NDNF: variants seen among roughly 807,000 people sequenced by gnomAD.
The protein encoded by NDNF is neuron derived neurotrophic factor, also known as protein NDNF.
In NDNF, 16 loss-of-function variants were observed where a neutral mutation model predicts 42.0. The observed-to-expected ratio is 0.38, with a 90% CI of 0.26 to 0.58. The LOEUF is 0.58. Ranked by LOEUF, NDNF falls within the 20% of genes least tolerant of loss-of-function variation. The pLI, the probability that NDNF is intolerant of heterozygous loss-of-function variation, is 0.67. For missense variants in NDNF, 616 were observed against 666.2 expected, an observed-to-expected ratio of 0.92 and a Z score of 0.83; for synonymous variants, 248 against 251.7, an observed-to-expected ratio of 0.99 and a Z score of 0.14.
chr4:121,069,095 A>T (rs1222366296), intron 1 of NDNF, among the ~76,000 whole-genome samples: 1 of 152,174 alleles, frequency 6.6e-6, no homozygotes, highest in Non-Finnish European at 1.5e-5. Flanking sequence ...TCCCTTCCAC[A>T]ACAGAGTCTG....
At chr4:121,066,673 G>A (rs924976194) in intron 1 of NDNF, among the ~76,000 whole-genome samples, 1 of 152,106 alleles carries the variant, frequency 6.6e-6, no homozygotes, top group Admixed American at 6.5e-5. Context: ...TATTTTAGAG[G>A]TCTAATTATG....
chr4:121,036,298 T>G lies in NDNF; in HGVS notation c.1673A>C (p.Gln558Pro). The change falls in exon 4 of 4, where the codon CAG becomes CCG. Residue 558 changes from glutamine (Q) to proline (P), a missense_variant. Gln to Pro is a moderately conservative substitution (Grantham distance 76). Transcript: ENST00000379692. ...IGHGGHSVKYQSKVVKTRKFC is the reference protein window; with the variant it reads ...IGHGGHSVKYPSKVVKTRKFC ...CTTTCTAGTTTTCACAACCTTACTC[T>G]GATACTTTACAGAGTGCCCCCCATG... is the stretch of plus-strand genomic sequence containing the variant. 6.2e-7 allele frequency: 1 copy of G among 1,612,278 alleles called. No individual in the cohort carries two copies.
In NDNF at chr4:121,036,928, C is replaced by T; in HGVS notation, c.1043G>A (p.Gly348Glu). ...AKQKTVELKDGKITDVFVKRK... is the reference protein window; with the variant it reads ...AKQKTVELKDEKITDVFVKRK... ...TTTAACAAATACATCTGTTATCTTC[C>T]CATCTTTTAGCTCGACTGTCTTCTG... Residue 348 changes from glycine to glutamate, a missense_variant, in exon 4 of 4, where the codon GGG becomes GAG. Coordinates refer to ENST00000379692, the MANE Select transcript of NDNF (RefSeq NM_024574.4). 1.2e-6 allele frequency: 2 copies of T among 1,613,870 alleles called. No individual in the cohort carries two copies. Among genetic ancestry groups the T allele is most frequent in the Non-Finnish European group, 1.7e-6 (2 of 1,179,992 alleles).
At chr4:121,039,184 GTGTGTGTGTATATATATATATA>G (rs1298457968) in intron 3 of NDNF, among the ~76,000 whole-genome samples, 2 of 15,830 alleles carry the variant, frequency 1.3e-4, no homozygotes, top group African/African-American at 1.9e-4. Context: ...GACTATGTGT[GTGTGTGTGTATATATATATATA>G]TATATATATA....
intron 2 of NDNF, among the ~76,000 whole-genome samples, chr4:121,043,780 A>G (rs1473671761): frequency 6.6e-6 from 1 of 152,218 alleles, no homozygotes; most frequent in African/African-American, 2.4e-5. Context: ...TTGGGAAATG[A>G]AAGTAATTTC....
chr4:121,052,841 T>G (rs1727223217), intron 1 of NDNF, among the ~76,000 whole-genome samples: 1 of 152,224 alleles, frequency 6.6e-6, no homozygotes. Context: ...TAGTTGTTCT[T>G]AAAAATCCAA....
chr4:121,036,573 G>A lies in NDNF; in HGVS notation c.1398C>T (p.Thr466=), dbSNP rs372074352. The A allele has an allele frequency of 5.9e-5, 95 of 1,613,932 alleles. No homozygotes were observed. Among genetic ancestry groups the A allele is most frequent in the Non-Finnish European group, 7.5e-5 (88 of 1,179,992 alleles). ...FDKLRTCSSA[T]VAWLGTQERN... ...TTTCCTGAGTGCCTAGCCAAGCCAC[G>A]GTGGCTGAGGAACAGGTACGGAGCT... The change falls in exon 4 of 4, where the codon ACC becomes ACT. Residue 466 remains threonine, a synonymous_variant. Transcript: ENST00000379692.
intron 1 of NDNF, chr4:121,071,455 C>T (rs1171996556): frequency 2.0e-5 from 3 of 151,988 alleles, no homozygotes; most frequent in African/African-American, 4.8e-5. Context: ...CTGCCTGGAC[C>T]TCTAGCTTTT....
intron 1 of NDNF, among the ~76,000 whole-genome samples, chr4:121,046,082 C>G (rs539555526): frequency 5.2e-4 from 79 of 152,300 alleles, no homozygotes; most frequent in African/African-American, 1.9e-3. Flanking sequence ...AATGAAAAGA[C>G]TCTTGCTGCA....
chr4:121,039,161 A>ATATATATG (rs1726937543), intron 3 of NDNF, among the ~76,000 whole-genome samples: 6 of 69,374 alleles, frequency 8.6e-5, no homozygotes, highest in Non-Finnish European at 2.2e-4. Flanking sequence ...ATATATGTAT[A>ATATATATG]TATATATATA....
At chr4:121,071,252 G>A (rs371368647) in intron 1 of NDNF, among the ~76,000 whole-genome samples, 26 of 152,244 alleles carry the variant, frequency 1.7e-4, no homozygotes, top group African/African-American at 6.3e-4. Flanking sequence ...GCGTCACCTC[G>A]GTGGCCGCTC....
chr4:121,071,777 A>AAAC (rs1553925739), intron 1 of NDNF: 3 of 151,658 alleles, frequency 2.0e-5, no homozygotes, highest in African/African-American at 7.3e-5. Context: ...AATAAAAAAA[A>AAAC]AAAAACGAGG....
At chr4:121,044,597 G>A (rs186110892) in intron 2 of NDNF, among the ~76,000 whole-genome samples, 10 of 152,000 alleles carry the variant, frequency 6.6e-5, no homozygotes, top group African/African-American at 1.9e-4. Flanking sequence ...TAAATAAACC[G>A]TGTCAGTTTT....
chr4:121,042,904 G>C (rs568181436), intron 2 of NDNF, among the ~76,000 whole-genome samples: 1 of 152,216 alleles, frequency 6.6e-6, no homozygotes, highest in South Asian at 2.1e-4. Context: ...GTAGGTCATA[G>C]GTGACCAGTT....
intron 2 of NDNF, among the ~76,000 whole-genome samples, chr4:121,040,610 A>T (rs549196121): frequency 1.3e-5 from 2 of 152,298 alleles, no homozygotes; most frequent in South Asian, 4.1e-4. Flanking sequence ...TTTTTACATT[A>T]GTGACTTTTA....
chr4:121,040,157 T>C (rs1253088921), intron 2 of NDNF, 103 bp from the exon 3 acceptor site: 1 of 1,142,098 alleles, frequency 8.8e-7, no homozygotes, highest in East Asian at 2.9e-5. Context: ...TTTCATTTTA[T>C]AAATTTTATA....
intron 1 of NDNF, among the ~76,000 whole-genome samples, chr4:121,060,739 G>A (rs1727390888): frequency 1.3e-5 from 2 of 152,010 alleles, no homozygotes; most frequent in African/African-American, 4.8e-5. Flanking sequence ...TTCATTCTGT[G>A]GGCCTAATCC....
intron 2 of NDNF, among the ~76,000 whole-genome samples, chr4:121,043,598 GCTTTA>G (rs1453174743): frequency 6.6e-6 from 1 of 152,076 alleles, no homozygotes; most frequent in African/African-American, 2.4e-5. Context: ...AAAACATGGC[GCTTTA>G]CTTTAAAAGT....
At position 121,071,988 on chromosome 4, in the gene NDNF, C is replaced by T. The variant is rs554244628; in HGVS notation, c.-2+5G>A. 1.3e-5 allele frequency: 2 copies of T among 152,388 alleles called. No homozygotes were observed. Among genetic ancestry groups the T allele is most frequent in the Admixed American group, 1.3e-4 (2 of 15,288 alleles). 9.4% of individuals were successfully genotyped at this position (152,388 alleles called of 1,614,324 possible). A position where few individuals can be genotyped will look rare whatever the true frequency, so the allele number is the denominator to read the frequency against. On this transcript the variant is annotated splice_donor_5th_base_variant and intron_variant, in intron 1 of 3. Coordinates refer to ENST00000379692, the MANE Select transcript of NDNF (RefSeq NM_024574.4). ...CTGGGGCATTGCTTTCCTCTCCCCACTTACCTTAAAAAGATCTGTTTTTCG... is the reference window on the plus strand; with the variant it reads ...CTGGGGCATTGCTTTCCTCTCCCCATTTACCTTAAAAAGATCTGTTTTTCG...
Sources: allele counts gnomAD v4.1 joint callset (sites outside exome capture counted in the v4.1 genomes callset), GRCh38; gene constraint gnomAD v4.1.1; transcripts MANE v1.5; gene names NCBI Gene and HGNC (gene_info 2026-07-23, HGNC 2026-07-21).